KDM4C: variants seen among roughly 807,000 people sequenced by gnomAD.
The protein encoded by KDM4C is lysine demethylase 4C, also known as lysine-specific demethylase 4C.
KDM4C carries 81 observed loss-of-function variants against 129.3 expected under a neutral mutation model. The ratio of observed to expected loss-of-function variants is 0.63; its 90% CI spans 0.52 to 0.75. The LOEUF is 0.75. Among genes scored for constraint, KDM4C ranks in the 30% least tolerant of loss-of-function variants. KDM4C has a pLI of 0.00. For missense variants in KDM4C, 1,457 were observed against 1,304.0 expected (o/e 1.12, Z -1.81); for synonymous variants, 573 against 456.1 (o/e 1.26, Z -3.26).
intron 5 of KDM4C, among the ~76,000 whole-genome samples, chr9:6,855,811 C>G (rs924991822): frequency 2.0e-5 from 3 of 152,218 alleles, no homozygotes; most frequent in African/African-American, 7.2e-5. Context: ...TTGATCTAAG[C>G]TTGTTTAATG....
rs141930492 is a variant in KDM4C at position 7,164,846 on chromosome 9, T to C, written c.2782-392T>C. On this transcript the variant is annotated intron_variant, in intron 19 of 21. Transcript: ENST00000381309. ...GTCATGGGGTGATTATAAGATCACA[T>C]GAGATGTATGCTGAAGCATTTTGTT... Among the ~76,000 whole-genome samples the C allele has an allele frequency of 1.2e-4, 18 of 152,346 alleles. No homozygotes were observed. In the East Asian group the frequency reaches 2.9e-3, roughly 25 times the overall value.
intron 21 of KDM4C, chr9:7,170,803 A>G (rs1844877426): frequency 3.1e-6 from 3 of 978,870 alleles, no homozygotes; most frequent in Non-Finnish European, 3.6e-6. Context: ...TGGAAAAACC[A>G]AGGGTTTTCT....
At chr9:7,092,122 C>T (rs1164770716) in intron 17 of KDM4C, among the ~76,000 whole-genome samples, 1 of 152,022 alleles carries the variant, frequency 6.6e-6, no homozygotes, top group African/African-American at 2.4e-5. Flanking sequence ...TTTCTTTTTT[C>T]TTCTTCTTCT....
rs1554633822 is a variant in KDM4C, at chr9:6,899,542, G to GGGGTGT, written c.921+6311_921+6312insGGTGTG. On this transcript the variant is annotated intron_variant, in intron 8 of 21. Coordinates refer to ENST00000381309, the MANE Select transcript of KDM4C (RefSeq NM_015061.6). ...GAGTCCTCTGTGCCTTTTCCATGGG[G>GGGGTGT]GTGTGTGTGTGTGTGTGTGTGTGTG... Among the ~76,000 whole-genome samples the GGGGTGT allele has an allele frequency of 2.3e-3, 343 of 150,158 alleles. 2 individuals are homozygous for GGGGTGT. Among genetic ancestry groups the GGGGTGT allele is most frequent in the Middle Eastern group, 6.9e-3 (2 of 290 alleles).
chr9:6,778,507 C>A (rs532662585), intron 1 of KDM4C, among the ~76,000 whole-genome samples: 16 of 151,136 alleles, frequency 1.1e-4, no homozygotes, highest in Middle Eastern at 6.8e-3. Flanking sequence ...TAGCTCACGC[C>A]TGTAATCCCA....
At chr9:6,935,820 G>T (rs757030757) in intron 8 of KDM4C, among the ~76,000 whole-genome samples, 2 of 151,960 alleles carry the variant, frequency 1.3e-5, no homozygotes, top group Non-Finnish European at 2.9e-5. Context: ...TTTTTGCGGG[G>T]AATTTTTCTT....
In KDM4C at chr9:6,758,007, C is replaced by A. The variant is rs1239341859; in HGVS notation, c.-214C>A. Reference sequence around the variant, plus strand: ...GGTGCGCGCGCCTTCGCCGCTGCCTCCCACCCACCCCCTCGACGGGAGGGT... The same window carrying A: ...GGTGCGCGCGCCTTCGCCGCTGCCTACCACCCACCCCCTCGACGGGAGGGT... On this transcript the variant is annotated 5_prime_UTR_variant, in exon 1 of 22. Transcript: ENST00000381309. The surrounding 1 kb of genome is among the most constrained non-coding windows in gnomAD (Gnocchi z 4.6). 1 of 985,352 alleles carries A rather than the reference C, an allele frequency of 1.0e-6. No homozygotes were observed. The allele number at this position is 985,352 out of a possible 1,614,324, so 61.0% of individuals were successfully genotyped here.
chr9:6,893,314 A>T (rs759586118), intron 8 of KDM4C, 82 bp downstream of exon 8: 1 of 1,125,862 alleles, frequency 8.9e-7, no homozygotes, highest in Non-Finnish European at 1.2e-6. Flanking sequence ...CCTGTGCAGC[A>T]TTTATTTATT....
At chr9:7,075,387 C>T (rs1391012943) in intron 17 of KDM4C, among the ~76,000 whole-genome samples, 3 of 152,050 alleles carry the variant, frequency 2.0e-5, no homozygotes, top group South Asian at 2.1e-4. Flanking sequence ...TTGGGGGGTG[C>T]GACCTAGTGG....
chr9:7,007,258 G>A (rs921221876), intron 12 of KDM4C, among the ~76,000 whole-genome samples: 2 of 152,186 alleles, frequency 1.3e-5, no homozygotes, highest in Non-Finnish European at 2.9e-5. Flanking sequence ...TTAGGCTCAT[G>A]GTTTTCTTGA....
At chr9:6,950,287 C>T (rs940267972) in intron 8 of KDM4C, among the ~76,000 whole-genome samples, 3 of 151,768 alleles carry the variant, frequency 2.0e-5, no homozygotes, top group Non-Finnish European at 4.4e-5. Flanking sequence ...ATGATTTTTC[C>T]CTTGTGTTTG....
chr9:6,757,930 G>C (rs187486343), upstream of KDM4C: 6 of 985,300 alleles, frequency 6.1e-6, no homozygotes, highest in Admixed American at 6.1e-5. Flanking sequence ...ACCAAGTGCG[G>C]GCCCCAGCGG....
intron 17 of KDM4C, among the ~76,000 whole-genome samples, chr9:7,069,129 A>C (rs1832854097): frequency 6.6e-6 from 1 of 151,968 alleles, no homozygotes; most frequent in African/African-American, 2.4e-5. Flanking sequence ...AGCATAGAGT[A>C]CTCCACCAGG....
intron 12 of KDM4C, among the ~76,000 whole-genome samples, chr9:6,991,379 C>A (rs1818717982): frequency 6.6e-6 from 1 of 152,158 alleles, no homozygotes; most frequent in South Asian, 2.1e-4. Flanking sequence ...CCACTGCATG[C>A]CTGGTTACCC....
At chr9:6,755,672 C>G (rs1267395611), upstream of KDM4C, among the ~76,000 whole-genome samples, 2 of 152,168 alleles carry the variant, frequency 1.3e-5, no homozygotes, top group African/African-American at 2.4e-5. Flanking sequence ...GTTCATACAG[C>G]CTTCCATTAA....
chr9:6,854,539 A>AAAAAAAC (rs1839446535), intron 5 of KDM4C, among the ~76,000 whole-genome samples: 1 of 145,868 alleles, frequency 6.9e-6, no homozygotes, highest in Non-Finnish European at 1.5e-5. Context: ...AAAAAAAAAA[A>AAAAAAAC]AAAAAACAAA....
intron 5 of KDM4C, among the ~76,000 whole-genome samples, chr9:6,858,087 C>G (rs1462249815): frequency 6.6e-6 from 1 of 151,988 alleles, no homozygotes; most frequent in African/African-American, 2.4e-5. Flanking sequence ...TCCCAAAGTC[C>G]TGGATTACAG....
chr9:6,852,490 T>C (rs1009649114), intron 5 of KDM4C, among the ~76,000 whole-genome samples: 2 of 152,178 alleles, frequency 1.3e-5, no homozygotes, highest in African/African-American at 2.4e-5. Flanking sequence ...AATATTTTTA[T>C]TGAGTTGACA....
intron 8 of KDM4C, among the ~76,000 whole-genome samples, chr9:6,980,581 C>G (rs1306816476): frequency 6.6e-6 from 1 of 152,114 alleles, no homozygotes; most frequent in Non-Finnish European, 1.5e-5. Context: ...GCTTTACAGA[C>G]CTTTTAGCGC....
Sources: allele counts gnomAD v4.1 joint callset (sites outside exome capture counted in the v4.1 genomes callset), GRCh38; gene constraint gnomAD v4.1.1; non-coding constraint Gnocchi (gnomAD v3.1); transcripts MANE v1.5; gene names NCBI Gene and HGNC (gene_info 2026-07-23, HGNC 2026-07-21).